Variants in ATP13A3 observed in about 807,000 individuals in gnomAD.
ATP13A3 encodes ATPase 13A3.
A neutral mutation model predicts 158.1 loss-of-function variants in ATP13A3; 59 were observed. That is an observed-to-expected ratio of 0.37 (90% CI 0.30 to 0.46). The LOEUF is 0.46. ATP13A3 is among the 20% of genes least tolerant of loss of function. ATP13A3 has a pLI of 1.00. For synonymous variants in ATP13A3, 491 were observed against 504.3 expected, an observed-to-expected ratio of 0.97 and a Z score of 0.35; for missense variants, 1,166 against 1,525.2, an observed-to-expected ratio of 0.76 and a Z score of 3.92.
At chr3:194,490,755 T>A (rs1189054210), upstream of ATP13A3, among the ~76,000 whole-genome samples, 3 of 152,268 alleles carry the variant, frequency 2.0e-5, no homozygotes, top group Admixed American at 6.5e-5. The surrounding 1 kb of genome is among the most constrained non-coding windows in gnomAD (Gnocchi z 4.4). Flanking sequence ...CAAAGGTGTC[T>A]GGGTCCCCCA....
chr3:194,438,790 G>GA (rs1560089761), intron 17 of ATP13A3, 66 bp downstream of exon 17: 4 of 1,130,400 alleles, frequency 3.5e-6, no homozygotes, highest in Admixed American at 2.5e-5. Flanking sequence ...AATAAAAATT[G>GA]AAAAAAATTA....
At chr3:194,446,759 T>A (rs1718437713) in intron 14 of ATP13A3, among the ~76,000 whole-genome samples, 168 bp downstream of exon 14, 1 of 152,200 alleles carries the variant, frequency 6.6e-6, no homozygotes, top group African/African-American at 2.4e-5. Context: ...AGTGAGAACT[T>A]ATGGTATAGA....
intron 31 of ATP13A3, among the ~76,000 whole-genome samples, chr3:194,419,045 AT>A (rs1396776100): frequency 6.6e-6 from 1 of 152,222 alleles, no homozygotes; most frequent in East Asian, 1.9e-4. Flanking sequence ...CATAGCAGCA[AT>A]ATGTTCAGTA....
rs370930398 is a variant in ATP13A3, at chr3:194,437,121, T to C, written c.2094A>G (p.Thr698=). The C allele has an allele frequency of 5.0e-6, 8 of 1,614,078 alleles. No individual in the cohort carries two copies. Among genetic ancestry groups the C allele is most frequent in the South Asian group, 1.1e-5 (1 of 91,088 alleles). Residue 698 remains threonine (T), a synonymous_variant, in exon 20 of 34, where the codon ACA becomes ACG. Coordinates refer to ENST00000645319, the MANE Select transcript of ATP13A3 (RefSeq NM_001367549.1). ...LAHRKLESKL[T]WHKVQNISRD... The stretch of plus-strand genomic sequence containing the variant: ...TGCTAATATTCTGTACTTTATGCCA[T>C]GTCAGTTTTGACTCCAATTTTCTGT...
At chr3:194,493,852 T>A (rs1292884907) in intron 2 of ATP13A3, among the ~76,000 whole-genome samples, 1 of 152,174 alleles carries the variant, frequency 6.6e-6, no homozygotes, top group Non-Finnish European at 1.5e-5. Flanking sequence ...TTCATTTTCA[T>A]AGACGAAGAA....
At chr3:194,417,962 A>AGGAC (rs1715995621) in intron 31 of ATP13A3, among the ~76,000 whole-genome samples, 3 of 73,982 alleles carry the variant, frequency 4.1e-5, no homozygotes, top group Non-Finnish European at 2.4e-5. Context: ...GACGGACGGA[A>AGGAC]GGAAGGAAGG....
At chr3:194,431,648 C>CT (rs3841918) in intron 22 of ATP13A3, 69 bp downstream of exon 22, 2 of 1,399,082 alleles carry the variant, frequency 1.4e-6, no homozygotes, top group Non-Finnish European at 1.9e-6. Context: ...TAATGCACCA[C>CT]TTTTTTTATT....
In ATP13A3 at chr3:194,444,751, C is replaced by G; in HGVS notation, c.1533G>C (p.Trp511Cys). 6.2e-7 allele frequency: 1 copy of G among 1,602,698 alleles called. No individual in the cohort carries two copies. The highest frequency in any genetic ancestry group is 8.5e-7 in the Non-Finnish European group (1 of 1,176,798). Reference sequence around the variant, plus strand: ...GTGCATTTTCCACTCGTTGAATCCCCCAAAGATCTAAACCATCTTCAGTTA... The same window carrying G: ...GTGCATTTTCCACTCGTTGAATCCCGCAAAGATCTAAACCATCTTCAGTTA... ...GTLTEDGLDL[W>C]GIQRVENARF... Residue 511 changes from tryptophan to cysteine, a missense_variant, in exon 15 of 34, where the codon TGG becomes TGC. Around this residue, in one of 3 missense-constraint regions of ATP13A3, gnomAD observed 997 missense variants for 1,341.2 expected, o/e 0.74. Transcript: ENST00000645319.
At chr3:194,443,376 G>A (rs1718180785) in intron 15 of ATP13A3, among the ~76,000 whole-genome samples, 1 of 152,070 alleles carries the variant, frequency 6.6e-6, no homozygotes, top group African/African-American at 2.4e-5. Flanking sequence ...GAGAAAATGA[G>A]AGAAAAAATG....
At chr3:194,424,899 G>A (rs563581508) in intron 30 of ATP13A3, among the ~76,000 whole-genome samples, 2 of 152,152 alleles carry the variant, frequency 1.3e-5, no homozygotes, top group East Asian at 3.9e-4. Context: ...CAGATGCTGC[G>A]CAGACCGCCC....
intron 33 of ATP13A3, among the ~76,000 whole-genome samples, chr3:194,410,802 C>A (rs574715680): frequency 1.3e-5 from 2 of 151,432 alleles, no homozygotes; most frequent in South Asian, 4.2e-4. Flanking sequence ...TATGAAAAAT[C>A]GGAATGTTTT....
intron 8 of ATP13A3, among the ~76,000 whole-genome samples, chr3:194,454,598 G>A (rs1220319714): frequency 6.7e-6 from 1 of 150,362 alleles, no homozygotes; most frequent in Non-Finnish European, 1.5e-5. Flanking sequence ...GGAGGCCAAG[G>A]CGGGCGGATC....
chr3:194,452,046 C>A (rs1303620267), intron 10 of ATP13A3: 1 of 152,320 alleles, frequency 6.6e-6, no homozygotes, highest in East Asian at 1.9e-4. Context: ...TATTTTATCA[C>A]TCCTCTGCTT....
chr3:194,416,896 T>G (rs556858551), intron 31 of ATP13A3, among the ~76,000 whole-genome samples: 1 of 152,262 alleles, frequency 6.6e-6, no homozygotes, highest in African/African-American at 2.4e-5. Flanking sequence ...AAATGTCATT[T>G]TAATTATAAT....
In ATP13A3 at chr3:194,460,014, G is replaced by T. The variant is rs4974521; in HGVS notation, c.226-43C>A. The T allele has an allele frequency of 0.24, 344,375 of 1,436,686 alleles. 49,440 individuals carry two copies. The highest frequency in any genetic ancestry group is 0.64 in the African/African-American group (45,018 of 70,282). The allele number at this position is 1,436,686 out of a possible 1,614,324, so 89.0% of individuals were successfully genotyped here. ...ATAACGGTAAGGAGTCAATTTTATA[G>T]AAAACTGCCTATATTTTCATTTATT... On this transcript the variant is annotated intron_variant, in intron 4 of 33. Transcript: ENST00000645319.
At position 194,413,795 on chromosome 3, in the gene ATP13A3, AATG is replaced by A; in HGVS notation, c.3444_3446del (p.Ile1149del). The A allele has an allele frequency of 6.2e-7, 1 of 1,614,082 alleles. No individual in the cohort carries two copies. Among genetic ancestry groups the A allele is most frequent in the Non-Finnish European group, 8.5e-7 (1 of 1,179,942 alleles). The stretch of plus-strand genomic sequence containing the variant: ...TAGACACAAAGGCATTGACAAGAAC[AATG>A]ATGAGCATAGTTACACGCCACTGAT... On this transcript the variant is annotated inframe_deletion, in exon 32 of 34. Coordinates refer to ENST00000645319, the MANE Select transcript of ATP13A3 (RefSeq NM_001367549.1).
chr3:194,456,791 C>T (rs866515152), intron 7 of ATP13A3, among the ~76,000 whole-genome samples: 7 of 152,118 alleles, frequency 4.6e-5, no homozygotes, highest in African/African-American at 1.4e-4. Context: ...AACGACACTT[C>T]ACCAACTCTA....
At chr3:194,441,188 C>G (rs1718028555) in intron 16 of ATP13A3, 123 bp downstream of exon 16, 3 of 750,570 alleles carry the variant, frequency 4.0e-6, no homozygotes, top group Non-Finnish European at 6.3e-6. Context: ...TTACATAGCT[C>G]CTTTTAGGGT....
At chr3:194,485,526 T>C (rs1193785721) in intron 2 of ATP13A3, among the ~76,000 whole-genome samples, 1 of 152,248 alleles carries the variant, frequency 6.6e-6, no homozygotes, top group Non-Finnish European at 1.5e-5. Flanking sequence ...TTAACAACGA[T>C]ACTTTTTAAA....
Sources: allele counts gnomAD v4.1 joint callset (sites outside exome capture counted in the v4.1 genomes callset), GRCh38; gene constraint gnomAD v4.1.1; regional missense constraint gnomAD v4.1.1; non-coding constraint Gnocchi (gnomAD v3.1); transcripts MANE v1.5; gene names NCBI Gene and HGNC (gene_info 2026-07-23, HGNC 2026-07-21).